The following PLOD1 variants were observed in gnomAD, a reference collection of about 807,000 sequenced individuals.
PLOD1 encodes lysine hydroxylase.
PLOD1 carries 70 observed loss-of-function variants against 94.7 expected under a neutral mutation model. That is an observed-to-expected ratio of 0.74 (90% CI 0.61 to 0.90). PLOD1 has a LOEUF of 0.90. PLOD1 is among the 40% of genes least tolerant of loss of function. The probability of loss-of-function intolerance (pLI) is 0.00; values close to 1 mark genes in which losing one functional copy is unlikely to be tolerated. For missense variants in PLOD1, 905 were observed against 972.7 expected (o/e 0.93, Z 0.93); for synonymous variants, 417 against 400.2 (o/e 1.04, Z -0.50).
intron 18 of PLOD1, 69 bp downstream of exon 18, chr1:11,973,066 T>C: frequency 6.3e-7 from 1 of 1,591,662 alleles, no homozygotes; most frequent in Non-Finnish European, 8.6e-7. Flanking sequence ...AGGAGAGGCT[T>C]CAGGGTGGTT....
chr1:11,944,563 T>C (rs778747566), intron 1 of PLOD1: 46 of 1,355,314 alleles, frequency 3.4e-5, no homozygotes, highest in Non-Finnish European at 4.5e-5. Flanking sequence ...TGGCTCTGGT[T>C]CTCTTCACCT....
At chr1:11,974,217 G>A (rs1252267651) in intron 18 of PLOD1, among the ~76,000 whole-genome samples, 1 of 149,006 alleles carries the variant, frequency 6.7e-6, no homozygotes, top group African/African-American at 2.5e-5. Flanking sequence ...TTTTTTTTGA[G>A]ACAGTCTCAT....
intron 5 of PLOD1, 157 bp from the exon 6 acceptor site, chr1:11,954,673 C>T: frequency 1.3e-6 from 1 of 777,562 alleles, no homozygotes; most frequent in South Asian, 1.4e-5. Context: ...GGCTGCTGGC[C>T]TTCTCTGGGC....
At chr1:11,943,335 C>T (rs1364800628) in intron 1 of PLOD1, among the ~76,000 whole-genome samples, 6 of 143,596 alleles carry the variant, frequency 4.2e-5, no homozygotes, top group South Asian at 2.2e-4. Flanking sequence ...TTGTTCTTGT[C>T]GCCCAGGCCG....
chr1:11,965,976 T>A (rs750658981), intron 14 of PLOD1, among the ~76,000 whole-genome samples: 15 of 152,172 alleles, frequency 9.9e-5, no homozygotes, highest in Non-Finnish European at 1.6e-4. Flanking sequence ...TGTAACTGTT[T>A]CTAGACGTTG....
chr1:11,966,260 G>A lies in PLOD1; in HGVS notation c.1594G>A (p.Glu532Lys). ...TTCCCACTTCCCACAGGACTGGAAG[G>A]AGAAGTACATCCACCAGAACTACAC... is the stretch of plus-strand genomic sequence containing the variant. ...EVFSNPEDWK[E>K]KYIHQNYTKA... The change falls in exon 15 of 19, where the codon GAG becomes AAG. Residue 532 changes from glutamate (E) to lysine (K), a missense_variant. Physicochemically the swap from Glu to Lys is moderately conservative, Grantham distance 56. Coordinates refer to ENST00000196061, the MANE Select transcript of PLOD1 (RefSeq NM_000302.4). 1 of 1,606,726 alleles carries A rather than the reference G, an allele frequency of 6.2e-7. No homozygotes were observed. Among genetic ancestry groups the A allele is most frequent in the Non-Finnish European group, 8.5e-7 (1 of 1,176,442 alleles).
At chr1:11,941,474 A>AT (rs143508033) in intron 1 of PLOD1, among the ~76,000 whole-genome samples, 1 of 143,438 alleles carries the variant, frequency 7.0e-6, no homozygotes, top group African/African-American at 2.9e-5. Flanking sequence ...TGGGATTATT[A>AT]TTATTATTAT....
chr1:11,964,322 G>GGGGT, intron 12 of PLOD1, 22 bp downstream of exon 12: 1 of 1,571,792 alleles, frequency 6.4e-7, no homozygotes. Flanking sequence ...CAGGGTGGGG[G>GGGGT]TGGGTGGGGG....
At chr1:11,966,123 G>T in intron 14 of PLOD1, 128 bp from the exon 15 acceptor site, 2 of 735,156 alleles carry the variant, frequency 2.7e-6, no homozygotes, top group South Asian at 1.5e-5. Context: ...CGCACCCAGT[G>T]GGTGCAGGTG....
intron 4 of PLOD1, among the ~76,000 whole-genome samples, chr1:11,952,137 G>T (rs1645707332): frequency 6.6e-6 from 1 of 152,222 alleles, no homozygotes; most frequent in Non-Finnish European, 1.5e-5. Context: ...TGCTCTTGTG[G>T]TTGCTTGTCA....
intron 1 of PLOD1, among the ~76,000 whole-genome samples, chr1:11,936,404 G>A (rs1645578879): frequency 6.6e-6 from 1 of 151,282 alleles, no homozygotes; most frequent in South Asian, 2.1e-4. Context: ...AGAAGTGGCG[G>A]TACTTTCCAT....
At position 11,974,684 on chromosome 1, in the gene PLOD1, GT is replaced by G; in HGVS notation, c.2062del (p.Ser688ProfsTer126). 2 of 1,613,934 alleles carry G rather than the reference GT, an allele frequency of 1.2e-6. No individual in the cohort carries two copies. Among genetic ancestry groups the G allele is most frequent in the Non-Finnish European group, 1.7e-6 (2 of 1,179,912 alleles). On this transcript the variant is annotated frameshift_variant, in exon 19 of 19. Coordinates refer to ENST00000196061, the MANE Select transcript of PLOD1 (RefSeq NM_000302.4). LOFTEE classifies it high-confidence loss of function. ...GGCTGTCGGTTCCTGCGCTACAACT[GT>G]TCCATCCGAGCCCCAAGGAAGGGCT... is the stretch of plus-strand genomic sequence containing the variant. ...GGGCRFLRYN[C>X]SIRAPRKGWT...
In PLOD1 at chr1:11,970,650, TTCACCTCGG is replaced by T; in HGVS notation, c.1756-12_1756-4del. 1.9e-6 allele frequency: 3 copies of T among 1,612,318 alleles called. No individual in the cohort carries two copies. Among genetic ancestry groups the T allele is most frequent in the Non-Finnish European group, 2.5e-6 (3 of 1,179,518 alleles). On this transcript the variant is annotated splice_polypyrimidine_tract_variant and intron_variant, in intron 16 of 18. Transcript: ENST00000196061. ...GCCATCCTAGAATTCTGCCTAAACA[TTCACCTCGG>T]TCACCTCCAGGACAACCGCATCCAG...
chr1:11,944,270 C>T lies in PLOD1; in HGVS notation c.77-3706C>T, dbSNP rs115886388. 2.2e-3 allele frequency among the ~76,000 whole-genome samples: 337 copies of T among 151,946 alleles called. 1 individual carries two copies. Among genetic ancestry groups the T allele is most frequent in the East Asian group, 0.02 (102 of 5,168 alleles). On this transcript the variant is annotated intron_variant, in intron 1 of 18. Transcript: ENST00000196061. ...TTGTGTCTGGCACACAGAAAATGCT[C>T]GATGAAGGTAAGCCATTATTGTTGC...
intron 16 of PLOD1, among the ~76,000 whole-genome samples, chr1:11,969,962 C>T (rs1033567839): frequency 3.3e-5 from 5 of 151,030 alleles, no homozygotes; most frequent in Non-Finnish European, 5.9e-5. Context: ...AAATTAGTGG[C>T]TGGGTGCATG....
chr1:11,962,169 A>T (rs1045045459), intron 10 of PLOD1, among the ~76,000 whole-genome samples: 1 of 151,396 alleles, frequency 6.6e-6, no homozygotes, highest in African/African-American at 2.4e-5. Flanking sequence ...GCTTGAAGTT[A>T]TCCTCCCGTC....
In PLOD1 at chr1:11,957,227, A is replaced by G. The variant is rs775870938; in HGVS notation, c.741+213A>G. ...TACTCTGTCTGTTCTTGCTGGTCAC[A>G]GGACACGTAGGAGGCTGCCATCCCC... On this transcript the variant is annotated intron_variant, in intron 7 of 18. Transcript: ENST00000196061. The surrounding 1 kb of genome is among the most constrained non-coding windows in gnomAD (Gnocchi z 4.1). 9.5e-6 allele frequency: 7 copies of G among 740,662 alleles called. 1 individual carries two copies. The highest frequency in any genetic ancestry group is 5.2e-5 in the East Asian group (2 of 38,288). The allele number at this position is 740,662 out of a possible 1,614,324, so 45.9% of individuals were successfully genotyped here.
chr1:11,940,898 C>A (rs1184304364), intron 1 of PLOD1, among the ~76,000 whole-genome samples: 1 of 152,206 alleles, frequency 6.6e-6, no homozygotes, highest in Non-Finnish European at 1.5e-5. Context: ...GCTGCAGAGG[C>A]CAGAGAGAAG....
chr1:11,974,343 C>T (rs933187975), intron 18 of PLOD1, among the ~76,000 whole-genome samples: 21 of 152,084 alleles, frequency 1.4e-4, no homozygotes, highest in African/African-American at 4.8e-4. Flanking sequence ...CTGCTACACC[C>T]AGCTGGTTTT....
Sources: gnomAD v4.1 joint callset for allele counts (sites outside exome capture counted in the v4.1 genomes callset) on GRCh38, gnomAD v4.1.1 for gene constraint, Gnocchi (gnomAD v3.1) non-coding constraint, MANE v1.5 for transcripts, NCBI Gene and HGNC (gene_info 2026-07-23, HGNC 2026-07-21) for gene names.